Variants in ERBB4 observed in about 807,000 individuals in gnomAD.
ERBB4 encodes the protein erb-b2 receptor tyrosine kinase 4, also known as receptor tyrosine-protein kinase erbB-4.
ERBB4 carries 42 observed loss-of-function variants against 158.0 expected under a neutral mutation model. That is an observed-to-expected ratio of 0.27 (90% confidence interval 0.21 to 0.34). The LOEUF (loss-of-function observed/expected upper bound fraction) is 0.34. Ranked by LOEUF, ERBB4 falls within the 10% of genes least tolerant of loss-of-function variation. The pLI is 1.00. For missense variants in ERBB4, 1,333 were observed against 1,624.1 expected, an observed-to-expected ratio of 0.82 and a Z score of 3.08; for synonymous variants, 583 against 558.7, an observed-to-expected ratio of 1.04 and a Z score of -0.61.
At chr2:211,760,286 G>C (rs947815606) in intron 4 of ERBB4, among the ~76,000 whole-genome samples, 3 of 152,218 alleles carry the variant, frequency 2.0e-5, no homozygotes, top group Non-Finnish European at 4.4e-5. Context: ...GGCCTGGATT[G>C]ACGTCCTAGC....
chr2:212,085,334 G>A (rs2078570600), intron 2 of ERBB4, among the ~76,000 whole-genome samples: 1 of 151,878 alleles, frequency 6.6e-6, no homozygotes, highest in African/African-American at 2.4e-5. Flanking sequence ...ATTCCTACAT[G>A]TGTATTATTT....
intron 1 of ERBB4, among the ~76,000 whole-genome samples, chr2:212,458,372 G>A (rs916772925): frequency 6.6e-6 from 1 of 152,140 alleles, no homozygotes; most frequent in Non-Finnish European, 1.5e-5. Context: ...GACATATGGT[G>A]AGGAAAGGTG....
chr2:212,320,631 T>G (rs1183515299), intron 1 of ERBB4, among the ~76,000 whole-genome samples: 1 of 149,502 alleles, frequency 6.7e-6, no homozygotes, highest in Non-Finnish European at 1.5e-5. Context: ...GGCTTGAGGG[T>G]GCTACCAAAA....
chr2:212,332,752 G>A (rs769180634), intron 1 of ERBB4, among the ~76,000 whole-genome samples: 4 of 151,926 alleles, frequency 2.6e-5, no homozygotes, highest in African/African-American at 9.7e-5. Flanking sequence ...TCGAAACTTA[G>A]AGTAATAATT....
At chr2:212,151,099 A>G (rs538303337) in intron 1 of ERBB4, among the ~76,000 whole-genome samples, 1 of 152,154 alleles carries the variant, frequency 6.6e-6, no homozygotes, top group East Asian at 1.9e-4. Context: ...TTTATTTAAC[A>G]TAATTAAGCT....
At chr2:211,658,203 A>C (rs78470095) in intron 15 of ERBB4, among the ~76,000 whole-genome samples, 3,979 of 152,318 alleles carry the variant, frequency 0.026, 170 homozygotes, top group African/African-American at 0.09. Flanking sequence ...AAATGTCCAA[A>C]GTAAAAGGAA....
intron 2 of ERBB4, among the ~76,000 whole-genome samples, chr2:212,084,300 T>C (rs1285656101): frequency 1.3e-5 from 2 of 151,986 alleles, no homozygotes; most frequent in African/African-American, 4.8e-5. Flanking sequence ...TATCCACTTA[T>C]GAGAATGAAT....
At chr2:211,497,438 A>G (rs1420381536) in intron 20 of ERBB4, among the ~76,000 whole-genome samples, 2 of 152,164 alleles carry the variant, frequency 1.3e-5, no homozygotes, top group Non-Finnish European at 2.9e-5. Context: ...CATGGTAGGC[A>G]TTCAATATTT....
At chr2:211,862,822 A>C (rs1054919424) in intron 3 of ERBB4, among the ~76,000 whole-genome samples, 2 of 152,208 alleles carry the variant, frequency 1.3e-5, no homozygotes, top group Non-Finnish European at 2.9e-5. Flanking sequence ...GTGAGAGGTG[A>C]AGCCAGTTGG....
chr2:211,804,785 G>A lies in ERBB4; in HGVS notation c.422-16626C>T, dbSNP rs78805155. ...TTAGCTCCATCTCTTAGGATTTCTG[G>A]CATTGTAGCCTTCCTTCTTTAACTG... On this transcript the variant is annotated intron_variant, in intron 3 of 27. Transcript: ENST00000342788. Among the ~76,000 whole-genome samples, 450 of 152,230 alleles carry A rather than the reference G, an allele frequency of 3.0e-3. 4 individuals carry two copies. Among genetic ancestry groups the A allele is most frequent in the African/African-American group, 0.01 (426 of 41,550 alleles).
chr2:212,475,863 T>G (rs1190319483), intron 1 of ERBB4, among the ~76,000 whole-genome samples: 1 of 152,108 alleles, frequency 6.6e-6, no homozygotes, highest in East Asian at 1.9e-4. Context: ...CACTTCTCCC[T>G]AGTCCCTTCT....
chr2:211,453,698 C>T, intron 20 of ERBB4, among the ~76,000 whole-genome samples: 1 of 152,098 alleles, frequency 6.6e-6, no homozygotes, highest in Non-Finnish European at 1.5e-5. Flanking sequence ...CTGTAGCAGA[C>T]AGGCAGACGT....
chr2:211,518,951 T>G (rs2066115305), intron 20 of ERBB4, among the ~76,000 whole-genome samples: 1 of 152,170 alleles, frequency 6.6e-6, no homozygotes, highest in Non-Finnish European at 1.5e-5. Context: ...AAGGTTAGTC[T>G]TCACTCAGCC....
intron 1 of ERBB4, among the ~76,000 whole-genome samples, chr2:212,520,462 T>C (rs1692092925): frequency 6.6e-6 from 1 of 151,932 alleles, no homozygotes; most frequent in African/African-American, 2.4e-5. Flanking sequence ...ATCTTAAAGG[T>C]ATAGCTCATG....
At position 212,190,179 on chromosome 2, in the gene ERBB4, G is replaced by A. The variant is rs1456689374; in HGVS notation, c.83-65276C>T. 2.6e-5 allele frequency among the ~76,000 whole-genome samples: 4 copies of A among 152,242 alleles called. No homozygotes were observed. The East Asian group carries it at 7.7e-4, about 29-fold the overall frequency. On this transcript the variant is annotated intron_variant, in intron 1 of 27. Transcript: ENST00000342788. ...AATTAGATTATCTTTGTTATACTGA[G>A]TCAGCATTATCACTAGAGAGTTCTT...
intron 3 of ERBB4, among the ~76,000 whole-genome samples, chr2:211,821,231 T>TA (rs2076989143): frequency 6.6e-6 from 1 of 151,308 alleles, no homozygotes; most frequent in African/African-American, 2.4e-5. Context: ...ACAAACCAGC[T>TA]AAAAAAGAAA....
intron 16 of ERBB4, among the ~76,000 whole-genome samples, chr2:211,654,097 T>C (rs2071121660): frequency 6.6e-6 from 1 of 152,232 alleles, no homozygotes; most frequent in African/African-American, 2.4e-5. Flanking sequence ...AGCGCTCTGC[T>C]TTCAGTGAAA....
intron 3 of ERBB4, among the ~76,000 whole-genome samples, chr2:211,940,224 G>A (rs1336135845): frequency 6.6e-6 from 1 of 152,014 alleles, no homozygotes; most frequent in African/African-American, 2.4e-5. Flanking sequence ...GGGTGGAGAG[G>A]TGGGTATTGA....
chr2:212,269,884 T>C (rs2085281521), intron 1 of ERBB4, among the ~76,000 whole-genome samples: 1 of 151,812 alleles, frequency 6.6e-6, no homozygotes, highest in Admixed American at 6.6e-5. Context: ...AATTAGGCTC[T>C]GTAACACCAA....
Sources: gnomAD v4.1 joint callset for allele counts (sites outside exome capture counted in the v4.1 genomes callset) on GRCh38, gnomAD v4.1.1 for gene constraint, MANE v1.5 for transcripts, NCBI Gene and HGNC (gene_info 2026-07-23, HGNC 2026-07-21) for gene names.